Variants in LRP1B observed in about 807,000 individuals in gnomAD.
The protein encoded by LRP1B is low-density lipoprotein receptor-related protein 1B.
Under a neutral mutation model 556.6 loss-of-function variants are expected in LRP1B, and 217 were observed. That is an observed-to-expected ratio of 0.39 (90% CI 0.35 to 0.44). The LOEUF (loss-of-function observed/expected upper bound fraction) is 0.44, where lower values mean the gene tolerates loss of function less well. Ranked by LOEUF, LRP1B falls within the 20% of genes least tolerant of loss-of-function variation. The pLI, the probability that LRP1B is intolerant of heterozygous loss-of-function variation, is 1.00. For missense variants in LRP1B, 5,053 were observed against 5,620.8 expected (o/e 0.90, Z 3.23); for synonymous variants, 2,047 against 1,865.8 (o/e 1.10, Z -2.50).
chr2:140,696,703 G>A lies in LRP1B; in HGVS notation c.6799+3547C>T, dbSNP rs954265943. Among the ~76,000 whole-genome samples the A allele has an allele frequency of 8.5e-5, 13 of 152,092 alleles. No homozygotes were observed. The East Asian group carries it at 1.6e-3, about 18-fold the overall frequency. ...CAGCAATGGCATTAGAGTTTCATACGAGCGCAAACCCTATTATGAGGGATC... is the reference window on the plus strand; with the variant it reads ...CAGCAATGGCATTAGAGTTTCATACAAGCGCAAACCCTATTATGAGGGATC... On this transcript the variant is annotated intron_variant, in intron 41 of 90. Coordinates refer to ENST00000389484, the MANE Select transcript of LRP1B (RefSeq NM_018557.3).
intron 12 of LRP1B, among the ~76,000 whole-genome samples, chr2:141,016,290 A>C (rs1183692983): frequency 6.6e-6 from 1 of 152,136 alleles, no homozygotes; most frequent in Admixed American, 6.6e-5. Flanking sequence ...AAAAGTATAT[A>C]ATCAATTATG....
At chr2:141,373,603 T>C (rs1689316390) in intron 3 of LRP1B, among the ~76,000 whole-genome samples, 1 of 151,828 alleles carries the variant, frequency 6.6e-6, no homozygotes, top group African/African-American at 2.4e-5. Context: ...TCACCTTTTT[T>C]TTAACTGTGT....
chr2:141,893,206 G>A (rs940306579), intron 1 of LRP1B, among the ~76,000 whole-genome samples: 2 of 152,062 alleles, frequency 1.3e-5, no homozygotes, highest in African/African-American at 4.8e-5. Flanking sequence ...AGTTTGGACA[G>A]GTGATTTTTT....
In LRP1B at chr2:141,348,339, TCA is replaced by T. The variant is rs541894967; in HGVS notation, c.344-93700_344-93699del. ...GTACTGAAAATAGGGATGAATTATTTCACAGTTTTAAAATGTCTGATTTTCTA... is the reference window on the plus strand; with the variant it reads ...GTACTGAAAATAGGGATGAATTATTTCAGTTTTAAAATGTCTGATTTTCTA... On this transcript the variant is annotated intron_variant, in intron 3 of 90. Transcript: ENST00000389484. Among the ~76,000 whole-genome samples, 49 of 152,130 alleles carry T rather than the reference TCA, an allele frequency of 3.2e-4. No individual in the cohort carries two copies. The South Asian group carries it at 8.9e-3, about 28-fold the overall frequency.
At chr2:140,832,178 A>G (rs990917069) in intron 31 of LRP1B, among the ~76,000 whole-genome samples, 5 of 152,150 alleles carry the variant, frequency 3.3e-5, no homozygotes, top group African/African-American at 1.2e-4. Context: ...AATACAGGGT[A>G]TTCACAGGAT....
At chr2:142,045,034 TTC>T (rs1704205115) in intron 1 of LRP1B, among the ~76,000 whole-genome samples, 1 of 151,756 alleles carries the variant, frequency 6.6e-6, no homozygotes, top group African/African-American at 2.4e-5. Context: ...TAAATGTAAC[TTC>T]CTTTTTGAAA....
chr2:140,994,215 T>G (rs1697176334), intron 15 of LRP1B, 80 bp from the exon 16 acceptor site: 1 of 1,326,236 alleles, frequency 7.5e-7, no homozygotes, highest in African/African-American at 1.5e-5. Context: ...GTAGAGTTTT[T>G]TGTTTGTTTT....
At chr2:140,558,642 G>A (rs568287300) in intron 43 of LRP1B, among the ~76,000 whole-genome samples, 1 of 152,026 alleles carries the variant, frequency 6.6e-6, no homozygotes, top group East Asian at 1.9e-4. Context: ...TTTTTGGTGT[G>A]ATAAAAATGT....
chr2:140,989,540 G>A lies in LRP1B; in HGVS notation c.2762C>T (p.Thr921Ile), dbSNP rs1697025402. The A allele has an allele frequency of 6.2e-7, 1 of 1,612,922 alleles. No homozygotes were observed. The highest frequency in any genetic ancestry group is 1.3e-5 in the African/African-American group (1 of 74,836). Residue 921 changes from threonine (T) to isoleucine (I), a missense_variant, in exon 17 of 91, where the codon ACT becomes ATT. Thr to Ile is a moderately conservative substitution (Grantham distance 89, BLOSUM62 -1). Coordinates refer to ENST00000389484, the MANE Select transcript of LRP1B (RefSeq NM_018557.3). ...CGSNEDESNQ[T>I]CTARTCQVDQ... is the part of the protein sequence containing the mutation. ...TCCAAGCAAACCTTTACCTGTGCAA[G>A]TTTGATTGGATTCATCTTCATTGCT...
intron 25 of LRP1B, among the ~76,000 whole-genome samples, chr2:140,871,044 G>A (rs1693113425): frequency 1.3e-5 from 2 of 152,128 alleles, no homozygotes; most frequent in Non-Finnish European, 1.5e-5. Context: ...AGAAAGATGA[G>A]AGTGGAACTT....
At chr2:141,454,521 A>G (rs1183567406) in intron 3 of LRP1B, among the ~76,000 whole-genome samples, 1 of 131,156 alleles carries the variant, frequency 7.6e-6, no homozygotes. Flanking sequence ...GACATACATT[A>G]ATATTTAATA....
intron 1 of LRP1B, among the ~76,000 whole-genome samples, chr2:141,819,142 G>A (rs1472448956): frequency 6.6e-6 from 1 of 151,720 alleles, no homozygotes; most frequent in Non-Finnish European, 1.5e-5. Context: ...GGAGGCAGAG[G>A]GAGGAGAATC....
intron 66 of LRP1B, among the ~76,000 whole-genome samples, chr2:140,402,029 G>C (rs1192080715): frequency 1.3e-5 from 2 of 152,176 alleles, no homozygotes; most frequent in Non-Finnish European, 2.9e-5. Flanking sequence ...CCTGAGGACA[G>C]GTCACATCAC....
intron 1 of LRP1B, among the ~76,000 whole-genome samples, chr2:141,834,460 A>T (rs540843690): frequency 6.6e-6 from 1 of 151,952 alleles, no homozygotes; most frequent in African/African-American, 2.4e-5. Context: ...CAGTAAAAAA[A>T]CTTTGCAGGA....
At chr2:140,510,187 G>C in intron 51 of LRP1B, 131 bp from the exon 52 acceptor site, 1 of 885,856 alleles carries the variant, frequency 1.1e-6, no homozygotes, top group South Asian at 1.8e-5. Flanking sequence ...TAGTTATTGG[G>C]AATCATTAAA....
chr2:140,780,411 CA>C (rs1689657215), intron 32 of LRP1B, among the ~76,000 whole-genome samples: 2 of 152,190 alleles, frequency 1.3e-5, no homozygotes, highest in Admixed American at 1.3e-4. Context: ...AAGTCCAAAT[CA>C]AAATGTGTTC....
At chr2:142,068,127 T>C (rs6749591) in intron 1 of LRP1B, among the ~76,000 whole-genome samples, 12,317 of 151,426 alleles carry the variant, frequency 0.081, 538 homozygotes, top group African/African-American at 0.092. Flanking sequence ...TCTAGTCCTT[T>C]CCCTAGAATT....
chr2:142,011,926 C>G (rs1409603781), intron 1 of LRP1B, among the ~76,000 whole-genome samples: 1 of 151,890 alleles, frequency 6.6e-6, no homozygotes, highest in Non-Finnish European at 1.5e-5. Context: ...GGTAAATGGT[C>G]TAGGATTTAG....
At chr2:141,114,726 G>C (rs1321961112) in intron 7 of LRP1B, among the ~76,000 whole-genome samples, 1 of 152,080 alleles carries the variant, frequency 6.6e-6, no homozygotes, top group Non-Finnish European at 1.5e-5. Context: ...GCTTGAAGGT[G>C]GGGCCTTTCC....
Sources: allele counts gnomAD v4.1 joint callset (sites outside exome capture counted in the v4.1 genomes callset), GRCh38; gene constraint gnomAD v4.1.1; transcripts MANE v1.5; gene names NCBI Gene and HGNC (gene_info 2026-07-23, HGNC 2026-07-21).